Variants in CSMD1 observed in about 807,000 individuals in gnomAD.
The protein encoded by CSMD1 is CUB and Sushi multiple domains 1.
In CSMD1, 213 loss-of-function variants were observed where a neutral mutation model predicts 417.5. The observed-to-expected ratio is 0.51, with a 90% CI of 0.46 to 0.57. CSMD1 has a LOEUF of 0.57. CSMD1 is among the 20% of genes least tolerant of loss of function. The pLI is 0.00. For synonymous variants in CSMD1, 2,862 were observed against 1,736.8 expected, an observed-to-expected ratio of 1.65 and a Z score of -16.11; for missense variants, 6,923 against 4,529.7, an observed-to-expected ratio of 1.53 and a Z score of -15.17.
At chr8:3,268,477 G>C (rs910047409) in intron 26 of CSMD1, among the ~76,000 whole-genome samples, 2 of 151,636 alleles carry the variant, frequency 1.3e-5, no homozygotes, top group African/African-American at 4.8e-5. Flanking sequence ...TTTTAGTAGA[G>C]ACAGGGTTTC....
At chr8:4,363,022 G>A (rs751639797) in intron 3 of CSMD1, among the ~76,000 whole-genome samples, 3 of 152,164 alleles carry the variant, frequency 2.0e-5, no homozygotes, top group Non-Finnish European at 2.9e-5. Context: ...TGAATTTTCA[G>A]TATTTACTTC....
At chr8:3,262,187 ATATATATATATATAT>A (rs1801121299) in intron 26 of CSMD1, among the ~76,000 whole-genome samples, 78 of 46,796 alleles carry the variant, frequency 1.7e-3, no homozygotes, top group Admixed American at 0.011. Flanking sequence ...TCATATGAAT[ATATATATATATATAT>A]ATATATATAT....
intron 8 of CSMD1, among the ~76,000 whole-genome samples, chr8:3,607,933 G>A (rs1801699794): frequency 6.6e-6 from 1 of 152,170 alleles, no homozygotes; most frequent in African/African-American, 2.4e-5. Flanking sequence ...ACTTTGGGAG[G>A]CCAAGGCAGG....
intron 41 of CSMD1, among the ~76,000 whole-genome samples, chr8:3,139,607 T>C (rs1378856755): frequency 6.6e-6 from 1 of 152,190 alleles, no homozygotes; most frequent in Non-Finnish European, 1.5e-5. Context: ...ATTGAGAATG[T>C]TTACATAAGT....
chr8:4,693,493 A>G (rs1006764873), intron 1 of CSMD1, among the ~76,000 whole-genome samples: 1 of 152,148 alleles, frequency 6.6e-6, no homozygotes, highest in African/African-American at 2.4e-5. Flanking sequence ...CATTAGTCCT[A>G]TACTGTTCCT....
At chr8:4,879,083 T>C (rs1257943829) in intron 1 of CSMD1, among the ~76,000 whole-genome samples, 1 of 151,944 alleles carries the variant, frequency 6.6e-6, no homozygotes, top group South Asian at 2.1e-4. Flanking sequence ...AGACACTAAG[T>C]AAGCTTTGCA....
chr8:3,106,874 T>C, intron 45 of CSMD1: 1 of 363,328 alleles, frequency 2.8e-6, no homozygotes, highest in East Asian at 4.4e-5. Flanking sequence ...TGGCAGCTTT[T>C]CTTCCTTGAC....
At chr8:2,943,831 A>G (rs1447446267) in intron 68 of CSMD1, among the ~76,000 whole-genome samples, 1 of 152,234 alleles carries the variant, frequency 6.6e-6, no homozygotes, top group Non-Finnish European at 1.5e-5. Flanking sequence ...AATTGTTGAG[A>G]AGAAGCTCAT....
intron 41 of CSMD1, among the ~76,000 whole-genome samples, chr8:3,121,783 A>G (rs1817224488): frequency 6.6e-6 from 1 of 152,156 alleles, no homozygotes; most frequent in East Asian, 1.9e-4. Context: ...TGGGTGACAG[A>G]GCAGGATCCT....
At chr8:4,092,412 G>T (rs976771755) in intron 3 of CSMD1, among the ~76,000 whole-genome samples, 2 of 151,986 alleles carry the variant, frequency 1.3e-5, no homozygotes, top group East Asian at 1.9e-4. Flanking sequence ...ACTTCATATT[G>T]GCTTCAGCAT....
intron 1 of CSMD1, among the ~76,000 whole-genome samples, chr8:4,883,494 C>G (rs1803543041): frequency 6.6e-6 from 1 of 152,018 alleles, no homozygotes; most frequent in African/African-American, 2.4e-5. Context: ...TTATTTTCTC[C>G]TCATCAACCA....
chr8:4,309,529 C>A (rs1214011046), intron 3 of CSMD1, among the ~76,000 whole-genome samples: 1 of 152,040 alleles, frequency 6.6e-6, no homozygotes, highest in Non-Finnish European at 1.5e-5. Context: ...TCCTGTAACA[C>A]AGACAAAGTA....
chr8:3,562,553 C>T (rs145016487), intron 10 of CSMD1, among the ~76,000 whole-genome samples: 1 of 151,948 alleles, frequency 6.6e-6, no homozygotes, highest in Admixed American at 6.6e-5. Context: ...TCAAAAGTTC[C>T]CCACTTAAAA....
chr8:4,466,098 ACCAGC>A (rs1800150242), intron 2 of CSMD1, among the ~76,000 whole-genome samples: 1 of 152,224 alleles, frequency 6.6e-6, no homozygotes, highest in East Asian at 1.9e-4. Context: ...ATATCATGAC[ACCAGC>A]TCTCGAGTAA....
intron 3 of CSMD1, among the ~76,000 whole-genome samples, chr8:4,248,206 A>C (rs1045531272): frequency 2.6e-5 from 4 of 152,182 alleles, no homozygotes; most frequent in Non-Finnish European, 4.4e-5. Context: ...ATGACATGAC[A>C]TGCCATTTCC....
Position 4,434,902 on chromosome 8 carries a change from C to A in CSMD1, c.303-14837G>T, listed in dbSNP as rs572014293. On this transcript the variant is annotated intron_variant, in intron 2 of 69. Coordinates refer to ENST00000635120, the MANE Select transcript of CSMD1 (RefSeq NM_033225.6). ...TCCTCAAGAAAATGCTGTATTTTGT[C>A]AGCACATGACTCTGCATGACAAAGT... Among the ~76,000 whole-genome samples, 19 of 152,252 alleles carry A rather than the reference C, an allele frequency of 1.2e-4. 1 individual carries two copies. Among genetic ancestry groups the A allele is most frequent in the African/African-American group, 3.4e-4 (14 of 41,544 alleles).
At chr8:3,489,563 G>A (rs1818252649) in intron 11 of CSMD1, among the ~76,000 whole-genome samples, 2 of 152,258 alleles carry the variant, frequency 1.3e-5, no homozygotes, top group Middle Eastern at 3.4e-3. Flanking sequence ...ACAGACATTT[G>A]CAAAGAAAGT....
At chr8:4,843,608 G>C (rs1167809278) in intron 1 of CSMD1, among the ~76,000 whole-genome samples, 4 of 152,152 alleles carry the variant, frequency 2.6e-5, no homozygotes, top group African/African-American at 4.8e-5. Context: ...TCCAAGCCAG[G>C]AGTTCTGTTT....
chr8:4,014,478 T>C (rs779059741), intron 4 of CSMD1, among the ~76,000 whole-genome samples: 21 of 152,188 alleles, frequency 1.4e-4, no homozygotes, highest in African/African-American at 4.6e-4. Context: ...TTTTTAGACA[T>C]TGAGTTGGCT....
Sources: allele counts gnomAD v4.1 joint callset (sites outside exome capture counted in the v4.1 genomes callset), GRCh38; gene constraint gnomAD v4.1.1; transcripts MANE v1.5; gene names NCBI Gene and HGNC (gene_info 2026-07-23, HGNC 2026-07-21).